Variants in ZNF534 observed in about 807,000 individuals in gnomAD.
ZNF534 encodes the protein KRAB domain only 3.
In ZNF534, 19 loss-of-function variants were observed where a neutral mutation model predicts 13.6. That is an observed-to-expected ratio of 1.40 (90% CI 0.97 to 2.05). The LOEUF (loss-of-function observed/expected upper bound fraction) is 2.05. Ranked by LOEUF, ZNF534 falls within the 30% of genes most tolerant of loss-of-function variation. The pLI is 0.00. For missense variants in ZNF534, 782 were observed against 796.3 expected (o/e 0.98, Z 0.22); for synonymous variants, 244 against 273.8 (o/e 0.89, Z 1.07).
chr19:52,436,199 A>G (rs1250584457), intron 4 of ZNF534, among the ~76,000 whole-genome samples: 4 of 151,834 alleles, frequency 2.6e-5, no homozygotes, highest in Middle Eastern at 3.4e-3. Context: ...CAGCCTCCCA[A>G]AGTTCTGGGA....
intron 1 of ZNF534, 34 bp from the exon 2 acceptor site, chr19:52,431,374 T>C: frequency 1.3e-6 from 2 of 1,529,776 alleles, no homozygotes; most frequent in Non-Finnish European, 1.8e-6. Context: ...GTGTGTTGAT[T>C]CTAAGCCCTA....
downstream of ZNF534, among the ~76,000 whole-genome samples, chr19:52,444,828 G>C (rs1262342638): frequency 6.6e-6 from 1 of 152,132 alleles, no homozygotes; most frequent in Non-Finnish European, 1.5e-5. Context: ...CAACCCAAAA[G>C]GCCAGTCTCA....
chr19:52,439,893 A>AC lies in ZNF534; in HGVS notation c.*451dup, dbSNP rs1259729166. 1.3e-5 allele frequency among the ~76,000 whole-genome samples: 2 copies of AC among 151,630 alleles called. No individual in the cohort carries two copies. Among genetic ancestry groups the AC allele is most frequent in the South Asian group, 2.1e-4 (1 of 4,810 alleles). On this transcript the variant is annotated 3_prime_UTR_variant, in exon 5 of 5. Transcript: ENST00000433050. ...AGACCAGCCTGACCAACATGGAGAA[A>AC]CCCCATCTCTACTAAAAATACAAAA...
At chr19:52,432,394 C>G (rs1487516803) in intron 2 of ZNF534, among the ~76,000 whole-genome samples, 1 of 152,152 alleles carries the variant, frequency 6.6e-6, no homozygotes, top group East Asian at 1.9e-4. Context: ...CACCTGTGAT[C>G]TGCTGCTTAC....
At chr19:52,431,666 T>A (rs73588015) in intron 2 of ZNF534, among the ~76,000 whole-genome samples, 177 bp downstream of exon 2, 4,157 of 152,132 alleles carry the variant, frequency 0.027, 117 homozygotes, top group African/African-American at 0.068. Flanking sequence ...TATGACCCAA[T>A]GACATGAACT....
In ZNF534 at chr19:52,435,933, C is replaced by CTTTTTTTTT. The variant is rs1289517628; in HGVS notation, c.271+726_271+727insTTTTTTTTT. On this transcript the variant is annotated intron_variant, in intron 4 of 4. Transcript: ENST00000433050. Reference sequence around the variant, plus strand: ...CATTGATGTTTTTCTTATTTTTCTTCTTCTTCTTTTTTTTTTTTTTTTTGA... The same window carrying CTTTTTTTTT: ...CATTGATGTTTTTCTTATTTTTCTTCTTTTTTTTTTTCTTCTTTTTTTTTTTTTTTTTGA... Among the ~76,000 whole-genome samples, 31 of 17,516 alleles carry CTTTTTTTTT rather than the reference C, an allele frequency of 1.8e-3. 3 individuals carry two copies. The highest frequency in any genetic ancestry group is 2.1e-3 in the African/African-American group (29 of 13,868). The allele number at this position is 17,516 out of a possible 152,430, so 11.5% of individuals were successfully genotyped here.
intron 3 of ZNF534, 78 bp from the exon 4 acceptor site, chr19:52,435,003 T>G: frequency 6.6e-7 from 1 of 1,505,678 alleles, no homozygotes; most frequent in Non-Finnish European, 8.9e-7. Flanking sequence ...ATTTGTAATA[T>G]GCTGTCTCCT....
intron 2 of ZNF534, 116 bp downstream of exon 2, chr19:52,431,605 A>T: frequency 3.0e-6 from 4 of 1,338,960 alleles, no homozygotes; most frequent in Non-Finnish European, 4.2e-6. Context: ...CATTGCACTT[A>T]CCCATGGCTT....
chr19:52,438,951 T>G lies in ZNF534; in HGVS notation c.1491T>G (p.Asn497Lys). ...IHTGEKLYKC[N>K]ECGKVFRQNS... ...CTGGAGAGAAGCTTTACAAATGTAA[T>G]GAATGTGGCAAGGTCTTCCGTCAGA... Residue 497 changes from asparagine to lysine, a missense_variant, in exon 5 of 5, where the codon AAT becomes AAG. By Grantham distance (94) the Asn-to-Lys change is moderately conservative. Coordinates refer to ENST00000433050, the MANE Select transcript of ZNF534 (RefSeq NM_001143938.3). 1 of 1,604,538 alleles carries G rather than the reference T, an allele frequency of 6.2e-7. No homozygotes were observed. The highest frequency in any genetic ancestry group is 8.5e-7 in the Non-Finnish European group (1 of 1,174,986).
chr19:52,452,112 A>ATTTCTTTGTGTT (rs2059220121), exon 5 of ZNF534: 1 of 166,460 alleles, frequency 6.0e-6, no homozygotes, highest in South Asian at 1.6e-4. Context: ...TAAAAAAAGC[A>ATTTCTTTGTGTT]TTTCTTTGTG....
chr19:52,434,141 T>C, intron 3 of ZNF534, 60 bp downstream of exon 3: 1 of 1,574,274 alleles, frequency 6.4e-7, no homozygotes, highest in Non-Finnish European at 8.6e-7. Context: ...TTGCATTTTC[T>C]CTTGTGTGTC....
chr19:52,433,760 A>G, intron 2 of ZNF534, 195 bp from the exon 3 acceptor site: 1 of 674,764 alleles, frequency 1.5e-6, no homozygotes. Flanking sequence ...CTCTGATTTA[A>G]AGAATGTCAT....
In ZNF534 at chr19:52,440,784, A is replaced by G. The variant is rs2059167247; in HGVS notation, c.*1338A>G. Among the ~76,000 whole-genome samples the G allele has an allele frequency of 6.6e-6, 1 of 152,146 alleles. No individual in the cohort carries two copies. The highest frequency in any genetic ancestry group is 1.5e-5 in the Non-Finnish European group (1 of 68,024). The stretch of plus-strand genomic sequence containing the variant: ...TGACAGTGAGATTCTGTCTCAAAAA[A>G]AAAAAAAAGAATTCATACTGGAAGG... On this transcript the variant is annotated 3_prime_UTR_variant, in exon 5 of 5. Transcript: ENST00000433050.
chr19:52,440,695 CACTT>C lies in ZNF534; in HGVS notation c.*1251_*1254del, dbSNP rs5828508. 0.91 allele frequency among the ~76,000 whole-genome samples: 137,564 copies of C among 151,276 alleles called. 62,943 individuals carry two copies. The highest frequency in any genetic ancestry group is 0.96 in the Non-Finnish European group (65,449 of 67,888). On this transcript the variant is annotated 3_prime_UTR_variant, in exon 5 of 5. Transcript: ENST00000433050. ...ACTCAGGAGGCTGAGGCAGGAGAAT[CACTT>C]AAACCCAGGAGATGGAGGTTGCAGT... is the stretch of plus-strand genomic sequence containing the variant.
rs1340807162 is a variant in ZNF534, at chr19:52,439,431, C to T, written c.1971C>T (p.Thr657=). Residue 657 remains threonine (T), a synonymous_variant, in exon 5 of 5, where the codon ACC becomes ACT. Coordinates refer to ENST00000433050, the MANE Select transcript of ZNF534 (RefSeq NM_001143938.3). ...TAGTACAACATTGCAGTATTCATAC[C>T]AGAGAGAAGCCTTAAAAATTTAGTG... is the stretch of plus-strand genomic sequence containing the variant. ...SILVQHCSIH[T]REKP is the part of the protein sequence containing the mutation. The T allele has an allele frequency of 6.6e-7, 1 of 1,517,942 alleles. No individual in the cohort carries two copies. Among genetic ancestry groups the T allele is most frequent in the Non-Finnish European group, 8.8e-7 (1 of 1,130,848 alleles). 94.0% of individuals were successfully genotyped at this position (1,517,942 alleles called of 1,614,324 possible).
At chr19:52,433,084 C>A (rs953534028) in intron 2 of ZNF534, among the ~76,000 whole-genome samples, 1 of 151,378 alleles carries the variant, frequency 6.6e-6, no homozygotes, top group Non-Finnish European at 1.5e-5. Flanking sequence ...CTCTACAAAA[C>A]ATACAAAAAT....
At chr19:52,443,054 A>G (rs1270372020), downstream of ZNF534, among the ~76,000 whole-genome samples, 3 of 152,212 alleles carry the variant, frequency 2.0e-5, no homozygotes, top group Admixed American at 6.5e-5. Flanking sequence ...CGTGGTAGCA[A>G]TCATGGAGGG....
chr19:52,451,686 G>T lies in ZNF534; in HGVS notation c.*189G>T, dbSNP rs542695323. On this transcript the variant is annotated 3_prime_UTR_variant, in exon 5 of 5. Coordinates refer to the ZNF534 transcript ENST00000301085. ...ACAGCGCTTCCTTCTGGATGTTATG[G>T]AGAGTAGCTCCAAGGTCTGGCTTGG... 1.9e-5 allele frequency: 13 copies of T among 669,080 alleles called. No homozygotes were observed. The African/African-American group carries it at 2.0e-4, about 10-fold the overall frequency. 41.4% of individuals were successfully genotyped at this position (669,080 alleles called of 1,614,324 possible). A position where few individuals can be genotyped will look rare whatever the true frequency, so the allele number is the denominator to read the frequency against.
At chr19:52,446,091 T>C (rs2561016), downstream of ZNF534, among the ~76,000 whole-genome samples, 139,277 of 152,214 alleles carry the variant, frequency 0.92, 64,075 homozygotes, top group Non-Finnish European at 0.96. Flanking sequence ...TGATATAAGA[T>C]GGTCAACTAA....
Sources: allele counts gnomAD v4.1 joint callset (sites outside exome capture counted in the v4.1 genomes callset), GRCh38; gene constraint gnomAD v4.1.1; transcripts MANE v1.5; gene names NCBI Gene and HGNC (gene_info 2026-07-23, HGNC 2026-07-21).